Variants in RBMS3 observed in about 807,000 individuals in gnomAD.
RBMS3 encodes the protein RNA-binding motif, single-stranded-interacting protein 3.
RBMS3 carries 27 observed loss-of-function variants against 66.8 expected under a neutral mutation model. The ratio of observed to expected loss-of-function variants is 0.40; its 90% CI spans 0.30 to 0.56. The LOEUF is 0.56. Among genes scored for constraint, RBMS3 ranks in the 20% least tolerant of loss-of-function variants. RBMS3 has a pLI of 0.40. For missense variants in RBMS3, 513 were observed against 549.5 expected, an observed-to-expected ratio of 0.93 and a Z score of 0.66; for synonymous variants, 188 against 183.0, an observed-to-expected ratio of 1.03 and a Z score of -0.22.
intron 6 of RBMS3, among the ~76,000 whole-genome samples, chr3:29,775,193 T>C (rs2056381170): frequency 6.6e-6 from 1 of 151,818 alleles, no homozygotes; most frequent in South Asian, 2.1e-4. Flanking sequence ...CTAGTTTTAA[T>C]GGAGCAATTA....
In RBMS3 at chr3:29,720,432, A is replaced by G. The variant is rs544347729; in HGVS notation, c.400-19288A>G. On this transcript the variant is annotated intron_variant, in intron 4 of 14. Coordinates refer to ENST00000383767, the MANE Select transcript of RBMS3 (RefSeq NM_001003793.3). The stretch of plus-strand genomic sequence containing the variant: ...GTCCATTAATCTTTACAGTAACCCT[A>G]TGGTAGTAGTAGTATTCTTGTAACT... Among the ~76,000 whole-genome samples the G allele has an allele frequency of 3.3e-5, 5 of 152,240 alleles. No individual in the cohort carries two copies. The South Asian group carries it at 1.0e-3, about 32-fold the overall frequency.
At chr3:29,606,399 G>A (rs1408767809) in intron 4 of RBMS3, among the ~76,000 whole-genome samples, 5 of 151,898 alleles carry the variant, frequency 3.3e-5, no homozygotes, top group Admixed American at 3.3e-4. Context: ...CATTTCAAGT[G>A]TGTTTGACTT....
chr3:29,859,597 C>T (rs1007564578), intron 6 of RBMS3, among the ~76,000 whole-genome samples: 12 of 152,312 alleles, frequency 7.9e-5, no homozygotes, highest in Admixed American at 2.6e-4. Context: ...AGGATCTATA[C>T]GCCATTCAGC....
intron 3 of RBMS3, among the ~76,000 whole-genome samples, chr3:29,550,100 A>T (rs1299149677): frequency 2.0e-5 from 3 of 152,224 alleles, no homozygotes; most frequent in Non-Finnish European, 4.4e-5. Context: ...GCTCTCAAAT[A>T]TCTGATCTCA....
At chr3:29,388,837 T>A (rs1332995643) in intron 1 of RBMS3, among the ~76,000 whole-genome samples, 1 of 152,178 alleles carries the variant, frequency 6.6e-6, no homozygotes, top group Non-Finnish European at 1.5e-5. Context: ...GTGCTGGGAT[T>A]ACAGGCGTGA....
chr3:29,340,580 T>G (rs903706978), intron 1 of RBMS3, among the ~76,000 whole-genome samples: 2 of 152,170 alleles, frequency 1.3e-5, no homozygotes, highest in Admixed American at 6.6e-5. Context: ...CTAGAGAGAT[T>G]TGACAAAATG....
intron 5 of RBMS3, among the ~76,000 whole-genome samples, chr3:29,749,556 G>A (rs978013693): frequency 6.6e-6 from 1 of 152,130 alleles, no homozygotes. Context: ...ACAAGCCAAG[G>A]ATTTGCTGTC....
chr3:29,479,059 AG>A (rs1370490524), intron 2 of RBMS3, among the ~76,000 whole-genome samples: 5 of 152,208 alleles, frequency 3.3e-5, no homozygotes, highest in African/African-American at 9.6e-5. Context: ...ATGAAATCAA[AG>A]AAAGAGTAAG....
At chr3:29,898,768 T>TGTGTGTGTGTGTG in intron 9 of RBMS3, among the ~76,000 whole-genome samples, 1 of 150,574 alleles carries the variant, frequency 6.6e-6, no homozygotes, top group African/African-American at 2.4e-5. Context: ...TGTGTGTGTG[T>TGTGTGTGTGTGTG]TTCCTTTTTT....
At chr3:29,425,214 A>AC (rs1559350710) in intron 1 of RBMS3, among the ~76,000 whole-genome samples, 2 of 98,808 alleles carry the variant, frequency 2.0e-5, no homozygotes, top group Non-Finnish European at 4.4e-5. Context: ...CCCCAAAAAA[A>AC]ACAAAAAAAA....
At chr3:29,697,137 T>G in intron 4 of RBMS3, 5 of 978,618 alleles carry the variant, frequency 5.1e-6, no homozygotes, top group Non-Finnish European at 6.1e-6. Context: ...TTTTATTTCT[T>G]ATACAGTAAT....
At chr3:29,960,257 G>A (rs963291288) in intron 12 of RBMS3, among the ~76,000 whole-genome samples, 3 of 152,122 alleles carry the variant, frequency 2.0e-5, no homozygotes, top group African/African-American at 4.8e-5. Flanking sequence ...AAATCCAGTG[G>A]GGCAGTCAAA....
At chr3:29,655,045 T>C (rs2050277529) in intron 4 of RBMS3, among the ~76,000 whole-genome samples, 1 of 152,204 alleles carries the variant, frequency 6.6e-6, no homozygotes, top group Non-Finnish European at 1.5e-5. Context: ...TTTGTTTTAT[T>C]CTGTAGCCTC....
intron 6 of RBMS3, among the ~76,000 whole-genome samples, chr3:29,816,968 G>A (rs1019620742): frequency 7.9e-5 from 12 of 151,938 alleles, no homozygotes; most frequent in Non-Finnish European, 1.5e-4. Flanking sequence ...GTGCACACCC[G>A]TAATCCCAGC....
intron 2 of RBMS3, among the ~76,000 whole-genome samples, chr3:29,435,434 A>G (rs565843402): frequency 6.6e-6 from 1 of 152,334 alleles, no homozygotes; most frequent in Non-Finnish European, 1.5e-5. Flanking sequence ...TCTGCTGCCT[A>G]GTCCAGTGAA....
intron 6 of RBMS3, among the ~76,000 whole-genome samples, chr3:29,809,393 T>C (rs1457380680): frequency 6.6e-6 from 1 of 151,630 alleles, no homozygotes; most frequent in Non-Finnish European, 1.5e-5. Context: ...GTTTCTTTAA[T>C]CATGGGCACC....
At chr3:29,319,260 C>A (rs2034869982) in intron 1 of RBMS3, among the ~76,000 whole-genome samples, 1 of 151,958 alleles carries the variant, frequency 6.6e-6, no homozygotes, top group Non-Finnish European at 1.5e-5. Flanking sequence ...TCTTCCCTTG[C>A]CTCGTTCAGT....
At chr3:29,555,385 T>C (rs2046321836) in intron 3 of RBMS3, among the ~76,000 whole-genome samples, 1 of 152,166 alleles carries the variant, frequency 6.6e-6, no homozygotes, top group Non-Finnish European at 1.5e-5. Context: ...CAATGAAGCA[T>C]CTCTGTTTGC....
chr3:29,894,607 AC>A (rs2060083151), intron 8 of RBMS3, among the ~76,000 whole-genome samples: 1 of 151,392 alleles, frequency 6.6e-6, no homozygotes, highest in Non-Finnish European at 1.5e-5. Context: ...TTCCTTAGAC[AC>A]CCCATCTCCA....
Sources: allele counts gnomAD v4.1 joint callset (sites outside exome capture counted in the v4.1 genomes callset), GRCh38; gene constraint gnomAD v4.1.1; transcripts MANE v1.5; gene names NCBI Gene and HGNC (gene_info 2026-07-23, HGNC 2026-07-21).